The following PHLPP1 variants were observed in gnomAD, a reference collection of about 807,000 sequenced individuals.
PHLPP1 encodes the protein PH domain leucine-rich repeat-containing protein phosphatase 1.
A neutral mutation model predicts 117.2 loss-of-function variants in PHLPP1; 42 were observed. That is an observed-to-expected ratio of 0.36 (90% confidence interval 0.28 to 0.46). PHLPP1 has a LOEUF of 0.46. PHLPP1 is among the 20% of genes least tolerant of loss of function. PHLPP1 has a pLI of 1.00. For missense variants in PHLPP1, 2,084 were observed against 2,241.9 expected (o/e 0.93, Z 1.42); for synonymous variants, 1,042 against 970.7 (o/e 1.07, Z -1.37).
At chr18:62,725,722 T>C (rs1204470333) in intron 1 of PHLPP1, among the ~76,000 whole-genome samples, 1 of 152,228 alleles carries the variant, frequency 6.6e-6, no homozygotes, top group Non-Finnish European at 1.5e-5. Flanking sequence ...TTCCAGCTAA[T>C]TTTAGGGTAT....
At chr18:62,787,768 A>G (rs1913337103) in intron 1 of PHLPP1, among the ~76,000 whole-genome samples, 1 of 152,200 alleles carries the variant, frequency 6.6e-6, no homozygotes, top group Non-Finnish European at 1.5e-5. Context: ...AATTACAAGT[A>G]CAATTAGCAT....
At chr18:62,857,662 G>T (rs1915533206) in intron 3 of PHLPP1, among the ~76,000 whole-genome samples, 1 of 152,138 alleles carries the variant, frequency 6.6e-6, no homozygotes, top group African/African-American at 2.4e-5. Flanking sequence ...TTCAAGTTTG[G>T]GCTTGGATAT....
At chr18:62,798,905 C>T (rs1382248879) in intron 1 of PHLPP1, among the ~76,000 whole-genome samples, 1 of 150,338 alleles carries the variant, frequency 6.7e-6, no homozygotes, top group Non-Finnish European at 1.5e-5. Context: ...TGTTTAAAAA[C>T]AAAACAAAAC....
At chr18:62,958,230 TTTTTG>T (rs1208198452) in intron 12 of PHLPP1, among the ~76,000 whole-genome samples, 2 of 152,210 alleles carry the variant, frequency 1.3e-5, no homozygotes, top group African/African-American at 2.4e-5. Context: ...CCTTCTTTGT[TTTTTG>T]TTTTGTTTTA....
intron 12 of PHLPP1, among the ~76,000 whole-genome samples, chr18:62,949,631 C>T (rs903895929): frequency 2.6e-5 from 4 of 152,178 alleles, no homozygotes; most frequent in African/African-American, 7.2e-5. Context: ...TTAGCCCTTT[C>T]GCATTGATCT....
chr18:62,742,295 TC>T (rs1432689604), intron 1 of PHLPP1, among the ~76,000 whole-genome samples: 13 of 152,208 alleles, frequency 8.5e-5, no homozygotes. Flanking sequence ...ACTTTCTTCA[TC>T]TTTTAGCCAC....
At chr18:62,857,539 C>T (rs1915529729) in intron 3 of PHLPP1, among the ~76,000 whole-genome samples, 1 of 152,172 alleles carries the variant, frequency 6.6e-6, no homozygotes, top group Non-Finnish European at 1.5e-5. Context: ...ACCTGGAGTG[C>T]ATGCTTACCC....
chr18:62,794,306 G>A (rs1913557482), intron 1 of PHLPP1, among the ~76,000 whole-genome samples: 2 of 150,828 alleles, frequency 1.3e-5, no homozygotes, highest in South Asian at 2.1e-4. Flanking sequence ...ATTAGTCTGC[G>A]ATTTTGGATA....
chr18:62,798,354 C>T (rs1451414942), intron 1 of PHLPP1, among the ~76,000 whole-genome samples: 2 of 152,080 alleles, frequency 1.3e-5, no homozygotes, highest in African/African-American at 4.8e-5. Flanking sequence ...TCCTTTTTGT[C>T]CTATCTTGCA....
chr18:62,775,248 C>G (rs1251291174), intron 1 of PHLPP1, among the ~76,000 whole-genome samples: 1 of 152,132 alleles, frequency 6.6e-6, no homozygotes, highest in Non-Finnish European at 1.5e-5. Flanking sequence ...TAGGCGCCTA[C>G]CACCACGCCC....
intron 1 of PHLPP1, among the ~76,000 whole-genome samples, chr18:62,809,165 C>T (rs993589560): frequency 2.0e-5 from 3 of 152,124 alleles, no homozygotes; most frequent in Admixed American, 6.5e-5. Flanking sequence ...ACAAAACTGT[C>T]GTTTCAAACA....
At chr18:62,913,859 T>C (rs1917029503) in intron 8 of PHLPP1, among the ~76,000 whole-genome samples, 2 of 149,794 alleles carry the variant, frequency 1.3e-5, no homozygotes, top group Admixed American at 1.3e-4. Flanking sequence ...TTCTCGTGCC[T>C]CAGCCTCCTG....
chr18:62,842,879 T>C (rs1915088629), intron 3 of PHLPP1: 1 of 152,236 alleles, frequency 6.6e-6, no homozygotes, highest in South Asian at 2.1e-4. Flanking sequence ...CACCCTTCTT[T>C]AAGCATTATG....
chr18:62,783,233 T>C (rs548591510), intron 1 of PHLPP1, among the ~76,000 whole-genome samples: 3 of 148,436 alleles, frequency 2.0e-5, no homozygotes, highest in Admixed American at 1.3e-4. Flanking sequence ...TTTTTTCTTT[T>C]TTTTTTTTTT....
intron 4 of PHLPP1, among the ~76,000 whole-genome samples, chr18:62,868,056 C>T (rs981233768): frequency 1.3e-5 from 2 of 152,060 alleles, no homozygotes; most frequent in Non-Finnish European, 2.9e-5. Context: ...GTGATCCTCC[C>T]GCGTCAGCCT....
chr18:62,897,632 G>A (rs536721462), intron 6 of PHLPP1, among the ~76,000 whole-genome samples: 21 of 152,070 alleles, frequency 1.4e-4, no homozygotes, highest in African/African-American at 3.9e-4. Flanking sequence ...TCAACCTCCC[G>A]AGTAGCTGGG....
chr18:62,754,740 A>T (rs1039287506), intron 1 of PHLPP1, among the ~76,000 whole-genome samples: 10 of 152,244 alleles, frequency 6.6e-5, no homozygotes, highest in African/African-American at 2.4e-4. Flanking sequence ...TATATACAAC[A>T]TACCAGATTC....
chr18:62,811,545 T>C (rs1267182542), intron 1 of PHLPP1, among the ~76,000 whole-genome samples: 2 of 99,806 alleles, frequency 2.0e-5, no homozygotes, highest in Non-Finnish European at 3.6e-5. Flanking sequence ...TTGTTGTGTC[T>C]TTTTTTTTTT....
At chr18:62,752,585 A>G (rs1270088143) in intron 1 of PHLPP1, among the ~76,000 whole-genome samples, 1 of 152,242 alleles carries the variant, frequency 6.6e-6, no homozygotes, top group East Asian at 1.9e-4. Flanking sequence ...AGATGAGTGT[A>G]GATGGATTCT....
Sources: allele counts gnomAD v4.1 joint callset (sites outside exome capture counted in the v4.1 genomes callset), GRCh38; gene constraint gnomAD v4.1.1; transcripts MANE v1.5; gene names NCBI Gene and HGNC (gene_info 2026-07-23, HGNC 2026-07-21).